HGD: variants seen among roughly 807,000 people sequenced by gnomAD.
HGD encodes homogentisate oxidase.
HGD carries 61 observed loss-of-function variants against 60.8 expected under a neutral mutation model. The observed-to-expected ratio is 1.00, with a 90% CI of 0.82 to 1.24. The LOEUF (loss-of-function observed/expected upper bound fraction) is 1.24. Ranked by LOEUF, HGD falls within the 50% of genes most tolerant of loss-of-function variation. The pLI is 0.00. For synonymous variants in HGD, 212 were observed against 187.7 expected, an observed-to-expected ratio of 1.13 and a Z score of -1.06; for missense variants, 542 against 547.1, an observed-to-expected ratio of 0.99 and a Z score of 0.09.
At chr3:120,634,892 T>A (rs909170806) in intron 12 of HGD, among the ~76,000 whole-genome samples, 5 of 152,144 alleles carry the variant, frequency 3.3e-5, no homozygotes, top group Non-Finnish European at 7.4e-5. Flanking sequence ...CAGATCATAG[T>A]TCTACTTGTT....
At chr3:120,681,257 G>A (rs1708225000) in intron 1 of HGD, among the ~76,000 whole-genome samples, 1 of 152,212 alleles carries the variant, frequency 6.6e-6, no homozygotes. Context: ...CCAAGGTTCT[G>A]GGCAGTTCTG....
chr3:120,633,050 C>T, intron 13 of HGD, 97 bp downstream of exon 13: 2 of 1,079,100 alleles, frequency 1.9e-6, no homozygotes, highest in Non-Finnish European at 2.8e-6. Context: ...TCTTTTGACT[C>T]TTCCTCTGTG....
chr3:120,652,460 T>C (rs1941370770), intron 5 of HGD, 132 bp downstream of exon 5: 1 of 708,964 alleles, frequency 1.4e-6, no homozygotes, highest in Non-Finnish European at 2.6e-6. Context: ...CCCCAAAGCA[T>C]ACGCAGGTGG....
intron 10 of HGD, among the ~76,000 whole-genome samples, chr3:120,643,162 C>T (rs548438451): frequency 5.3e-5 from 8 of 152,212 alleles, no homozygotes; most frequent in South Asian, 2.1e-4. Context: ...CTTGCTCTGT[C>T]GCCCGGGCTG....
At chr3:120,675,130 AC>A in intron 2 of HGD, 141 bp from the exon 3 acceptor site, 1 of 666,240 alleles carries the variant, frequency 1.5e-6, no homozygotes, top group Non-Finnish European at 2.8e-6. Context: ...TCTTGTAACA[AC>A]TTTTGATGTG....
In HGD at chr3:120,670,408, A is replaced by G; in HGVS notation, c.282+19T>C. On this transcript the variant is annotated intron_variant, in intron 4 of 13. Coordinates refer to ENST00000283871, the MANE Select transcript of HGD (RefSeq NM_000187.4). ...GGCTTTGGGTATATGATAAGCTTCA[A>G]TTCACAGGACCAGGTTACCTGGTTA... is the stretch of plus-strand genomic sequence containing the variant. 1 of 1,275,202 alleles carries G rather than the reference A, an allele frequency of 7.8e-7. No individual in the cohort carries two copies. Among genetic ancestry groups the G allele is most frequent in the Non-Finnish European group, 1.1e-6 (1 of 870,280 alleles). 79.0% of individuals were successfully genotyped at this position (1,275,202 alleles called of 1,614,324 possible).
chr3:120,675,229 A>G (rs1170395774), intron 2 of HGD, among the ~76,000 whole-genome samples: 1 of 152,146 alleles, frequency 6.6e-6, no homozygotes, highest in Non-Finnish European at 1.5e-5. Flanking sequence ...ACAACCAGAA[A>G]TAACCAAGCG....
At chr3:120,642,702 C>T (rs1941026601) in intron 10 of HGD, among the ~76,000 whole-genome samples, 1 of 152,182 alleles carries the variant, frequency 6.6e-6, no homozygotes, top group African/African-American at 2.4e-5. Flanking sequence ...ACTAGGGCTA[C>T]CCAACAGGAA....
chr3:120,649,773 G>A (rs938195757), intron 6 of HGD, among the ~76,000 whole-genome samples: 9 of 152,164 alleles, frequency 5.9e-5, no homozygotes, highest in South Asian at 4.2e-4. Flanking sequence ...GTTTTGTCCC[G>A]GAAATACATA....
At chr3:120,637,996 G>A (rs968595743) in intron 12 of HGD, among the ~76,000 whole-genome samples, 2 of 152,150 alleles carry the variant, frequency 1.3e-5, no homozygotes, top group African/African-American at 4.8e-5. Flanking sequence ...CATCATGACG[G>A]TTATGAGTGA....
chr3:120,670,533 C>A lies in HGD; in HGVS notation c.177-1G>T. 6.5e-7 allele frequency: 1 copy of A among 1,545,664 alleles called. No individual in the cohort carries two copies. On this transcript the variant is annotated splice_acceptor_variant, in intron 3 of 13. Coordinates refer to ENST00000283871, the MANE Select transcript of HGD (RefSeq NM_000187.4). LOFTEE classifies it high-confidence loss of function. ...TGAAGGTAGAATCCTATACAGCCAG[C>A]TAGAGGGAAAAACATACAAGATATA...
chr3:120,666,674 G>A (rs571322048), intron 4 of HGD, among the ~76,000 whole-genome samples: 2 of 152,122 alleles, frequency 1.3e-5, no homozygotes, highest in South Asian at 4.2e-4. Flanking sequence ...TAGAGATGGT[G>A]TTTCTCCATG....
intron 1 of HGD, among the ~76,000 whole-genome samples, chr3:120,678,575 T>G (rs1708175878): frequency 6.6e-6 from 1 of 152,200 alleles, no homozygotes; most frequent in African/African-American, 2.4e-5. Context: ...TGATTCAGAC[T>G]GTGCTTTAAA....
Position 120,633,152 on chromosome 3 carries a change from T to G in HGD, c.1183A>C (p.Thr395Pro). ...KLAPERIADG[T>P]MAFMFESSLS... ...GTGGCAGTTAACATACTTACCATGG[T>G]GCCATCGGCAATCCTCTCAGGTGCC... The change falls in exon 13 of 14, where the codon ACC becomes CCC. Residue 395 changes from threonine (T) to proline (P), a missense_variant. Coordinates refer to ENST00000283871, the MANE Select transcript of HGD (RefSeq NM_000187.4). 6.2e-7 allele frequency: 1 copy of G among 1,614,040 alleles called. No individual in the cohort carries two copies. Among genetic ancestry groups the G allele is most frequent in the African/African-American group, 1.3e-5 (1 of 75,040 alleles).
At chr3:120,648,332 G>A (rs973514897) in intron 6 of HGD, among the ~76,000 whole-genome samples, 1 of 152,202 alleles carries the variant, frequency 6.6e-6, no homozygotes, top group Non-Finnish European at 1.5e-5. Flanking sequence ...AGGGCACGCG[G>A]CAGCTTGAAA....
At chr3:120,655,409 C>T (rs910707701) in intron 4 of HGD, among the ~76,000 whole-genome samples, 2 of 152,196 alleles carry the variant, frequency 1.3e-5, no homozygotes, top group Non-Finnish European at 2.9e-5. Context: ...AAATGATCCC[C>T]ACCAAATGAC....
Position 120,657,924 on chromosome 3 carries a change from A to T in HGD, c.283-5273T>A, listed in dbSNP as rs369010321. Reference sequence around the variant, plus strand: ...CAGATCTCATGAGAACTCACTCACTATCATGAGGACAGTACCAACAGGGAT... The same window carrying T: ...CAGATCTCATGAGAACTCACTCACTTTCATGAGGACAGTACCAACAGGGAT... On this transcript the variant is annotated intron_variant, in intron 4 of 13. Transcript: ENST00000283871. 1.3e-4 allele frequency among the ~76,000 whole-genome samples: 20 copies of T among 152,136 alleles called. No homozygotes were observed. The East Asian group carries it at 1.5e-3, about 12-fold the overall frequency.
Position 120,646,269 on chromosome 3 carries a change from A to G in HGD, c.647T>C (p.Ile216Thr), listed in dbSNP as rs767201131. ...AGAGGCTTGTAATGAAGATTTACCAATTGGTCCAAGGTCAGGTAACTCAAA... is the reference window on the plus strand; with the variant it reads ...AGAGGCTTGTAATGAAGATTTACCAGTTGGTCCAAGGTCAGGTAACTCAAA... ...VHFELPDLGP[I>T]GANGLANPRD... The change falls in exon 9 of 14, where the codon ATT (isoleucine) becomes ACT (threonine). Residue 216 changes from isoleucine (I) to threonine (T), a missense_variant and splice_region_variant. Physicochemically the swap from Ile to Thr is moderately conservative, Grantham distance 89 (BLOSUM62 -1). Transcript: ENST00000283871. The G allele has an allele frequency of 3.1e-6, 5 of 1,590,468 alleles. No homozygotes were observed. The highest frequency in any genetic ancestry group is 4.3e-6 in the Non-Finnish European group (5 of 1,158,508).
chr3:120,674,784 A>G (rs1344063864), intron 3 of HGD, 117 bp downstream of exon 3: 1 of 744,920 alleles, frequency 1.3e-6, no homozygotes, highest in Non-Finnish European at 2.5e-6. Context: ...ACCATAGCCT[A>G]TAAGAAGCAG....
Sources: gnomAD v4.1 joint callset for allele counts (sites outside exome capture counted in the v4.1 genomes callset) on GRCh38, gnomAD v4.1.1 for gene constraint, MANE v1.5 for transcripts, NCBI Gene and HGNC (gene_info 2026-07-23, HGNC 2026-07-21) for gene names.